BFAR: variants seen among roughly 807,000 people sequenced by gnomAD.
BFAR encodes bifunctional apoptosis regulator.
Under a neutral mutation model 54.4 loss-of-function variants are expected in BFAR, and 52 were observed. That is an observed-to-expected ratio of 0.96 (90% CI 0.77 to 1.21). The LOEUF is 1.21. Ranked by LOEUF, BFAR falls within the 50% of genes most tolerant of loss-of-function variation. The probability of loss-of-function intolerance (pLI) is 0.00; values close to 1 mark genes in which losing one functional copy is unlikely to be tolerated. For missense variants in BFAR, 571 were observed against 534.0 expected (o/e 1.07, Z -0.68); for synonymous variants, 215 against 204.3 (o/e 1.05, Z -0.45).
intron 3 of BFAR, 21 bp downstream of exon 3, chr16:14,648,613 C>T (rs1028964440): frequency 1.9e-5 from 30 of 1,589,304 alleles, no homozygotes; most frequent in Admixed American, 3.4e-5. Context: ...CACTGTGTTC[C>T]TCTGTGCCCC....
At chr16:14,647,468 A>G (rs1959834666) in intron 2 of BFAR, among the ~76,000 whole-genome samples, 1 of 151,786 alleles carries the variant, frequency 6.6e-6, no homozygotes, top group Admixed American at 6.6e-5. Flanking sequence ...GGACCGAGGC[A>G]GGCGGATCTC....
chr16:14,654,006 CTTTT>C, intron 4 of BFAR, among the ~76,000 whole-genome samples: 2 of 121,488 alleles, frequency 1.6e-5, no homozygotes, highest in East Asian at 2.3e-4. Context: ...CATCTAAGAA[CTTTT>C]TTTTTTTTTT....
chr16:14,646,789 C>T (rs1414620237), intron 2 of BFAR, among the ~76,000 whole-genome samples: 7 of 152,262 alleles, frequency 4.6e-5, no homozygotes, highest in Non-Finnish European at 8.8e-5. Flanking sequence ...TGAGCCCCCG[C>T]GCCCAGCCTC....
chr16:14,648,069 A>C (rs1381058869), intron 2 of BFAR, among the ~76,000 whole-genome samples: 2 of 152,042 alleles, frequency 1.3e-5, no homozygotes, highest in East Asian at 1.9e-4. Flanking sequence ...GTGAAACCCT[A>C]TCTCTACTAA....
At chr16:14,656,934 C>T (rs1960145469) in intron 5 of BFAR, among the ~76,000 whole-genome samples, 1 of 152,022 alleles carries the variant, frequency 6.6e-6, no homozygotes, top group African/African-American at 2.4e-5. Context: ...GAAACCCCAT[C>T]TCTACTAAAA....
intron 4 of BFAR, among the ~76,000 whole-genome samples, chr16:14,652,043 C>T (rs1039252905): frequency 2.0e-5 from 3 of 151,754 alleles, no homozygotes; most frequent in African/African-American, 7.2e-5. Flanking sequence ...CCTGCCACCA[C>T]GCCCGGCTAA....
intron 4 of BFAR, among the ~76,000 whole-genome samples, chr16:14,651,854 G>T (rs536358910): frequency 6.7e-6 from 1 of 149,534 alleles, no homozygotes; most frequent in South Asian, 2.1e-4. Flanking sequence ...GAGGTCAGAT[G>T]CCTGTACTGA....
Position 14,661,943 on chromosome 16 carries a change from C to T in BFAR, c.835C>T (p.Pro279Ser), listed in dbSNP as rs1370528795. 6.2e-7 allele frequency: 1 copy of T among 1,614,160 alleles called. No homozygotes were observed. Among genetic ancestry groups the T allele is most frequent in the Admixed American group, 1.7e-5 (1 of 60,008 alleles). Residue 279 changes from proline (P) to serine (S), a missense_variant, in exon 6 of 8, where the codon CCC becomes TCC. Coordinates refer to ENST00000261658, the MANE Select transcript of BFAR (RefSeq NM_016561.3). ...CCTGCTATACGCCCTCAAGAGCTCC[C>T]CCAGGCTGAGTCTGCTCTACCTGTA... ...LFLLYALKSS[P>S]RLSLLYLYLF...
chr16:14,643,958 G>A (rs572215258), intron 1 of BFAR: 24 of 174,450 alleles, frequency 1.4e-4, no homozygotes, highest in Non-Finnish European at 2.4e-4. Flanking sequence ...TCAGGAGATC[G>A]AGACCATCTT....
At chr16:14,648,364 A>ATTTTTT (rs540587741) in intron 2 of BFAR, 24 bp from the exon 3 acceptor site, 11 of 1,494,886 alleles carry the variant, frequency 7.4e-6, no homozygotes, top group Admixed American at 7.0e-5. Context: ...AACTGTCTTA[A>ATTTTTT]TTTTTTTTTT....
At chr16:14,653,285 A>G (rs367637902) in intron 4 of BFAR, among the ~76,000 whole-genome samples, 2 of 152,078 alleles carry the variant, frequency 1.3e-5, no homozygotes, top group East Asian at 1.9e-4. Context: ...AGGATGAATC[A>G]CTGTGGAGGG....
intron 7 of BFAR, among the ~76,000 whole-genome samples, chr16:14,665,776 T>G (rs1250473635): frequency 6.6e-6 from 1 of 152,122 alleles, no homozygotes; most frequent in Non-Finnish European, 1.5e-5. Context: ...TAGTGAGAAG[T>G]CAATATGGCA....
At chr16:14,646,453 G>C (rs1959798092) in intron 2 of BFAR, among the ~76,000 whole-genome samples, 1 of 152,134 alleles carries the variant, frequency 6.6e-6, no homozygotes, top group African/African-American at 2.4e-5. Context: ...CTCCCAAAGT[G>C]CTGGGATTAC....
At chr16:14,648,301 A>G in intron 2 of BFAR, 87 bp from the exon 3 acceptor site, 1 of 1,007,154 alleles carries the variant, frequency 9.9e-7, no homozygotes, top group East Asian at 2.4e-5. Context: ...ATATATTATT[A>G]GATGTTGACT....
Position 14,644,259 on chromosome 16 carries a change from G to GTTT in BFAR, c.-73-7_-73-5dup. The GTTT allele has an allele frequency of 8.4e-7, 1 of 1,197,180 alleles. No individual in the cohort carries two copies. The allele number at this position is 1,197,180 out of a possible 1,614,324, so 74.2% of individuals were successfully genotyped here. On this transcript the variant is annotated splice_polypyrimidine_tract_variant and intron_variant, in intron 1 of 7. Transcript: ENST00000261658. ...TACTATTTGCCTTATTTTTGTCTCT[G>GTTT]TTTTTTTTTTCTAGATTAATGATGT...
At chr16:14,646,899 G>C (rs907929538) in intron 2 of BFAR, among the ~76,000 whole-genome samples, 1 of 151,954 alleles carries the variant, frequency 6.6e-6, no homozygotes, top group Non-Finnish European at 1.5e-5. Flanking sequence ...AATAATTTCA[G>C]TTATGACTTA....
intron 4 of BFAR, 98 bp from the exon 5 acceptor site, chr16:14,654,968 A>G (rs1023286077): frequency 3.2e-6 from 4 of 1,269,136 alleles, no homozygotes; most frequent in Non-Finnish European, 4.2e-6. Flanking sequence ...CCATACCTCA[A>G]GCCTACAATA....
chr16:14,662,185 G>A, intron 6 of BFAR, 120 bp downstream of exon 6: 1 of 1,191,724 alleles, frequency 8.4e-7, no homozygotes, highest in Non-Finnish European at 1.2e-6. Context: ...CAGAATGTCT[G>A]GTAGGTCATT....
chr16:14,660,135 A>G (rs980879382), intron 5 of BFAR, among the ~76,000 whole-genome samples: 1 of 152,184 alleles, frequency 6.6e-6, no homozygotes, highest in East Asian at 1.9e-4. Flanking sequence ...AGCCCTCCCA[A>G]TTCCAACAAG....
Sources: allele counts gnomAD v4.1 joint callset (sites outside exome capture counted in the v4.1 genomes callset), GRCh38; gene constraint gnomAD v4.1.1; transcripts MANE v1.5; gene names NCBI Gene and HGNC (gene_info 2026-07-23, HGNC 2026-07-21).